The following BMP8B variants were observed in gnomAD, a reference collection of about 807,000 sequenced individuals.
BMP8B encodes the protein bone morphogenetic protein 8 (osteogenic protein 2).
BMP8B carries 17 observed loss-of-function variants against 30.3 expected under a neutral mutation model. That is an observed-to-expected ratio of 0.56 (90% CI 0.38 to 0.84). The LOEUF is 0.84. Ranked by LOEUF, BMP8B falls within the 40% of genes least tolerant of loss-of-function variation. The pLI, the probability that BMP8B is intolerant of heterozygous loss-of-function variation, is 0.00. For missense variants in BMP8B, 253 were observed against 494.6 expected (o/e 0.51, Z 4.63); for synonymous variants, 131 against 214.7 (o/e 0.61, Z 3.41).
chr1:39,763,154 C>T lies in BMP8B; in HGVS notation c.997G>A (p.Glu333Lys), dbSNP rs1394799230. 2 of 1,614,022 alleles carry T rather than the reference C, an allele frequency of 1.2e-6. No homozygotes were observed. The highest frequency in any genetic ancestry group is 1.7e-6 in the Non-Finnish European group (2 of 1,179,964). The change falls in exon 6 of 7, where the codon GAG (glutamate) becomes AAG (lysine). Residue 333 changes from glutamate (E) to lysine (K), a missense_variant. Physicochemically the swap from Glu to Lys is moderately conservative, Grantham distance 56. Transcript: ENST00000372827. The part of the protein sequence containing the change: ...QGYSAYYCEG[E>K]CSFPLDSCMN... Reference sequence around the variant, plus strand: ...CAGGAGTCCAGTGGGAAGGAGCACTCCCCCTCACAGTAATAGGCCGAGTAG... The same window carrying T: ...CAGGAGTCCAGTGGGAAGGAGCACTTCCCCTCACAGTAATAGGCCGAGTAG...
At chr1:39,762,710 C>G in intron 6 of BMP8B, 1 of 1,463,370 alleles carries the variant, frequency 6.8e-7, no homozygotes, top group Non-Finnish European at 9.1e-7. Context: ...GGCGGTCAGA[C>G]TTGCCAGCGT....
At chr1:39,780,816 A>T (rs981980137) in intron 1 of BMP8B, among the ~76,000 whole-genome samples, 1 of 152,174 alleles carries the variant, frequency 6.6e-6, no homozygotes, top group Non-Finnish European at 1.5e-5. Flanking sequence ...GGATCACTTG[A>T]GTCTGGGAGG....
chr1:39,776,542 G>T (rs1464551041), intron 1 of BMP8B, among the ~76,000 whole-genome samples: 2 of 152,202 alleles, frequency 1.3e-5, no homozygotes, highest in African/African-American at 2.4e-5. Flanking sequence ...CTCGTGGTGG[G>T]GACCTGGTCC....
chr1:39,760,577 G>T lies in BMP8B; in HGVS notation c.1060-9C>A. 1 of 1,612,966 alleles carries T rather than the reference G, an allele frequency of 6.2e-7. No homozygotes were observed. The highest frequency in any genetic ancestry group is 2.2e-5 in the East Asian group (1 of 44,864). On this transcript the variant is annotated splice_polypyrimidine_tract_variant and intron_variant, in intron 6 of 6. Transcript: ENST00000372827. ...GGCATCATCAGGTGCACCTGGCCAG[G>T]AAGAGGGCACAGGCAGGGGCATGAG...
chr1:39,762,778 C>A, intron 6 of BMP8B: 1 of 1,323,788 alleles, frequency 7.6e-7, no homozygotes, highest in Non-Finnish European at 1.0e-6. Flanking sequence ...ACATCTGTTT[C>A]ATGTGCTGTG....
intron 3 of BMP8B, chr1:39,770,718 G>C: frequency 8.4e-7 from 1 of 1,191,524 alleles, no homozygotes; most frequent in Middle Eastern, 3.0e-4. Flanking sequence ...ATGAGCGCCA[G>C]GTGGCCGTCC....
At chr1:39,782,828 C>CATT (rs965515911) in intron 1 of BMP8B, among the ~76,000 whole-genome samples, 2 of 151,958 alleles carry the variant, frequency 1.3e-5, no homozygotes, top group South Asian at 2.1e-4. Flanking sequence ...ATGATACAGG[C>CATT]ATTATTATTA....
rs762698394 is a variant in BMP8B, at chr1:39,788,218, C to T, written c.268G>A (p.Glu90Lys). Residue 90 changes from glutamate to lysine, a missense_variant, in exon 1 of 7, where the codon GAG becomes AAG. This residue lies in a region of BMP8B where 52 missense variants were observed against 68.3 expected (regional missense o/e 0.76). Coordinates refer to ENST00000372827, the MANE Select transcript of BMP8B (RefSeq NM_001720.5). This position sits in a 1 kb window ranked among gnomAD's most constrained non-coding sequence, Gnocchi z 5.8. Reference protein sequence around the residue: ...LYHAMAGDDDEDGAPAERRLG... With the variant: ...LYHAMAGDDDKDGAPAERRLG... The stretch of plus-strand genomic sequence containing the variant: ...CGCCGCTCCGCGGGCGCGCCGTCCT[C>T]GTCGTCGTCGCCGGCCATGGCGTGG... 16 of 1,571,418 alleles carry T rather than the reference C, an allele frequency of 1.0e-5. No individual in the cohort carries two copies. Among genetic ancestry groups the T allele is most frequent in the Non-Finnish European group, 1.4e-5 (16 of 1,168,408 alleles).
intron 1 of BMP8B, among the ~76,000 whole-genome samples, chr1:39,787,525 G>A (rs1479157105): frequency 6.6e-6 from 1 of 152,168 alleles, no homozygotes; most frequent in Non-Finnish European, 1.5e-5. Flanking sequence ...GCTGCCCACT[G>A]GACCATTCCA....
intron 1 of BMP8B, among the ~76,000 whole-genome samples, chr1:39,782,497 C>T (rs116539710): frequency 0.027 from 4,067 of 151,654 alleles, 102 homozygotes; most frequent in East Asian, 0.12. Context: ...GATGGCATTT[C>T]GCTCCTGTTG....
chr1:39,768,854 C>A (rs1013268438), intron 3 of BMP8B, among the ~76,000 whole-genome samples: 1 of 150,234 alleles, frequency 6.7e-6, no homozygotes, highest in African/African-American at 2.5e-5. Context: ...GAGCGAGATT[C>A]TGTCTAAAAA....
intron 1 of BMP8B, among the ~76,000 whole-genome samples, chr1:39,787,648 C>G (rs528692587): frequency 2.6e-5 from 4 of 152,272 alleles, no homozygotes; most frequent in Admixed American, 6.5e-5. Context: ...CAGCCGCCCC[C>G]CTGACAGCCG....
chr1:39,769,339 CCCT>C (rs1649790697), intron 3 of BMP8B, among the ~76,000 whole-genome samples: 1 of 150,452 alleles, frequency 6.6e-6, no homozygotes, highest in South Asian at 2.1e-4. Context: ...GTGATTTTCT[CCCT>C]CGTCAGTTTT....
At position 39,760,379 on chromosome 1, in the gene BMP8B, A is replaced by G. The variant is rs1648770389; in HGVS notation, c.*40T>C. ...TTCCTGCTTCTGAGGGGCCCGATCC[A>G]GATGAGAAGGGTGGCTGCAGCTGGG... On this transcript the variant is annotated 3_prime_UTR_variant, in exon 7 of 7. Transcript: ENST00000372827. 1 of 1,610,864 alleles carries G rather than the reference A, an allele frequency of 6.2e-7. No individual in the cohort carries two copies. Among genetic ancestry groups the G allele is most frequent in the Non-Finnish European group, 8.5e-7 (1 of 1,179,596 alleles).
Position 39,760,250 on chromosome 1 carries a change from A to G in BMP8B, c.*169T>C. 8.8e-7 allele frequency: 1 copy of G among 1,133,566 alleles called. No homozygotes were observed. Among genetic ancestry groups the G allele is most frequent in the Non-Finnish European group, 1.2e-6 (1 of 820,508 alleles). The allele number at this position is 1,133,566 out of a possible 1,614,324, so 70.2% of individuals were successfully genotyped here. On this transcript the variant is annotated 3_prime_UTR_variant, in exon 7 of 7. Transcript: ENST00000372827. ...AGTCACACAAATGCCTGGCAGGGCA[A>G]GGGGAGCATAGGAGCCTGGCATGAA...
chr1:39,762,857 T>C (rs955968304), intron 6 of BMP8B, among the ~76,000 whole-genome samples: 7 of 152,238 alleles, frequency 4.6e-5, no homozygotes, highest in Admixed American at 2.6e-4. Flanking sequence ...AACAGGCATG[T>C]GTACACGACT....
intron 1 of BMP8B, among the ~76,000 whole-genome samples, chr1:39,785,399 G>A (rs1187696498): frequency 2.7e-5 from 4 of 150,866 alleles, no homozygotes; most frequent in Admixed American, 1.3e-4. Flanking sequence ...GCAGGGCCCC[G>A]GCTCTGACCC....
At chr1:39,768,105 C>T (rs1403175654) in intron 3 of BMP8B, among the ~76,000 whole-genome samples, 2 of 150,410 alleles carry the variant, frequency 1.3e-5, no homozygotes, top group East Asian at 4.0e-4. Context: ...CACACACAAT[C>T]TTAATTTTAG....
intron 1 of BMP8B, among the ~76,000 whole-genome samples, chr1:39,777,737 C>T (rs1650326471): frequency 6.6e-6 from 1 of 152,224 alleles, no homozygotes. Flanking sequence ...GTGACCCATC[C>T]CACCTCCCCT....
Sources: allele counts gnomAD v4.1 joint callset (sites outside exome capture counted in the v4.1 genomes callset), GRCh38; gene constraint gnomAD v4.1.1; regional missense constraint gnomAD v4.1.1; non-coding constraint Gnocchi (gnomAD v3.1); transcripts MANE v1.5; gene names NCBI Gene and HGNC (gene_info 2026-07-23, HGNC 2026-07-21).